The following EEA1 variants were observed in gnomAD, a reference collection of about 807,000 sequenced individuals.
The protein encoded by EEA1 is early endosome antigen 1.
A neutral mutation model predicts 209.2 loss-of-function variants in EEA1; 111 were observed. That is an observed-to-expected ratio of 0.53 (90% CI 0.45 to 0.62). The LOEUF is 0.62. EEA1 is among the 20% of genes least tolerant of loss of function. EEA1 has a pLI of 0.00. For synonymous variants in EEA1, 536 were observed against 540.6 expected (o/e 0.99, Z 0.12); for missense variants, 1,343 against 1,530.8 (o/e 0.88, Z 2.05).
intron 2 of EEA1, among the ~76,000 whole-genome samples, chr12:92,887,226 C>G (rs1304798071): frequency 6.6e-6 from 1 of 151,982 alleles, no homozygotes; most frequent in African/African-American, 2.4e-5. Context: ...TGGCTCATGG[C>G]TGTAATCCCA....
chr12:92,791,703 TAGAC>T (rs1372032091), intron 21 of EEA1, among the ~76,000 whole-genome samples: 1 of 152,118 alleles, frequency 6.6e-6, no homozygotes, highest in African/African-American at 2.4e-5. Flanking sequence ...CTGTCAATAT[TAGAC>T]AGATCAACGA....
intron 2 of EEA1, among the ~76,000 whole-genome samples, chr12:92,890,931 C>T (rs757594651): frequency 4.7e-4 from 71 of 152,170 alleles, no homozygotes; most frequent in Non-Finnish European, 5.9e-4. Flanking sequence ...GAAAAAAAGA[C>T]TGGGTAAGGA....
chr12:92,810,825 G>A (rs1875459407), intron 17 of EEA1, among the ~76,000 whole-genome samples: 1 of 151,964 alleles, frequency 6.6e-6, no homozygotes, highest in African/African-American at 2.4e-5. Flanking sequence ...GTTTATCATA[G>A]TCTCAATGTG....
chr12:92,841,008 C>T (rs908213867), intron 10 of EEA1, among the ~76,000 whole-genome samples: 5 of 152,140 alleles, frequency 3.3e-5, no homozygotes, highest in Admixed American at 6.5e-5. Context: ...GAGAAGGCAC[C>T]ATCTATGAAC....
At chr12:92,787,594 C>T (rs190667126) in intron 22 of EEA1, among the ~76,000 whole-genome samples, 1 of 152,128 alleles carries the variant, frequency 6.6e-6, no homozygotes, top group African/African-American at 2.4e-5. Context: ...TAAAGTTATT[C>T]ACACACAAAG....
intron 21 of EEA1, among the ~76,000 whole-genome samples, chr12:92,796,306 G>A (rs1215741087): frequency 2.0e-5 from 3 of 151,872 alleles, no homozygotes; most frequent in South Asian, 2.1e-4. Flanking sequence ...AGTAACTCCC[G>A]AATAGTCTTA....
chr12:92,840,129 C>G (rs1175388271), intron 10 of EEA1, among the ~76,000 whole-genome samples: 1 of 151,840 alleles, frequency 6.6e-6, no homozygotes, highest in Admixed American at 6.6e-5. Context: ...CTATTTTTTT[C>G]TTTCTTGACT....
chr12:92,901,814 C>T (rs1360494154), intron 1 of EEA1, among the ~76,000 whole-genome samples: 1 of 152,078 alleles, frequency 6.6e-6, no homozygotes, highest in African/African-American at 2.4e-5. Flanking sequence ...GATGATCCGC[C>T]CACCTCAGCC....
rs1873618342 is a variant in EEA1, at chr12:92,775,470, T to G, written c.*541A>C. On this transcript the variant is annotated 3_prime_UTR_variant, in exon 29 of 29. Coordinates refer to ENST00000322349, the MANE Select transcript of EEA1 (RefSeq NM_003566.4). Reference sequence around the variant, plus strand: ...TTAGAACACCCAAGTAGTAAATTCATAACATAACAATGCAACTGAACCATG... The same window carrying G: ...TTAGAACACCCAAGTAGTAAATTCAGAACATAACAATGCAACTGAACCATG... 6.6e-6 allele frequency: 1 copy of G among 151,948 alleles called. No individual in the cohort carries two copies. The highest frequency in any genetic ancestry group is 1.5e-5 in the Non-Finnish European group (1 of 67,710). The allele number at this position is 151,948 out of a possible 1,614,324, so 9.4% of individuals were successfully genotyped here.
intron 1 of EEA1, among the ~76,000 whole-genome samples, chr12:92,908,404 T>C (rs1264339768): frequency 6.6e-6 from 1 of 152,202 alleles, no homozygotes; most frequent in African/African-American, 2.4e-5. Context: ...ATACATTTCA[T>C]GCCACTGGAT....
At chr12:92,841,292 T>C (rs940161132) in intron 10 of EEA1, among the ~76,000 whole-genome samples, 2 of 152,050 alleles carry the variant, frequency 1.3e-5, no homozygotes, top group African/African-American at 4.8e-5. Flanking sequence ...ACCCTTACCT[T>C]ATACTATATA....
chr12:92,888,948 G>T (rs981032094), intron 2 of EEA1, among the ~76,000 whole-genome samples: 1 of 151,994 alleles, frequency 6.6e-6, no homozygotes, highest in African/African-American at 2.4e-5. Flanking sequence ...TCAGAAGTTC[G>T]AGACTAGCCT....
rs1873493966 is a variant in EEA1, at chr12:92,772,946, A to G, written c.*3065T>C. On this transcript the variant is annotated 3_prime_UTR_variant, in exon 29 of 29. Transcript: ENST00000322349. ...TATACAATTTTACATAAATTTAGTAAGTTTATGCACAATATTCACATCTGC... is the reference window on the plus strand; with the variant it reads ...TATACAATTTTACATAAATTTAGTAGGTTTATGCACAATATTCACATCTGC... 6.6e-6 allele frequency: 1 copy of G among 152,292 alleles called. No homozygotes were observed. Among genetic ancestry groups the G allele is most frequent in the Non-Finnish European group, 1.5e-5 (1 of 67,756 alleles). 9.4% of individuals were successfully genotyped at this position (152,292 alleles called of 1,614,324 possible).
At chr12:92,928,929 C>T in intron 1 of EEA1, 114 bp downstream of exon 1, 1 of 1,143,094 alleles carries the variant, frequency 8.7e-7, no homozygotes, top group Non-Finnish European at 1.2e-6. Flanking sequence ...GCCTGCCGGG[C>T]TGTGGGGCCT....
intron 11 of EEA1, among the ~76,000 whole-genome samples, chr12:92,830,754 C>G (rs112389361): frequency 1.5e-3 from 223 of 152,242 alleles, no homozygotes; most frequent in African/African-American, 5.2e-3. Context: ...CATGTCATAA[C>G]AAGGGACCTC....
At position 92,779,267 on chromosome 12, in the gene EEA1, G is replaced by C. The variant is rs1445354428; in HGVS notation, c.3502C>G (p.Leu1168Val). The change falls in exon 25 of 29, where the codon CTA (leucine) becomes GTA (valine). Residue 1168 changes from leucine to valine, a missense_variant. This residue lies in a region of EEA1 where 1,307 missense variants were observed against 1,465.5 expected (regional missense o/e 0.89). Coordinates refer to ENST00000322349, the MANE Select transcript of EEA1 (RefSeq NM_003566.4). The part of the protein sequence containing the change: ...ITNLKDAKQL[L>V]IQQKLELQGK... The stretch of plus-strand genomic sequence containing the variant: ...TGAAGTTCTAATTTCTGCTGAATTA[G>C]AAGCTGTTTAGCATCTTTAAGATTT... The C allele has an allele frequency of 6.2e-7, 1 of 1,606,978 alleles. No individual in the cohort carries two copies. Among genetic ancestry groups the C allele is most frequent in the African/African-American group, 1.3e-5 (1 of 74,344 alleles).
intron 9 of EEA1, among the ~76,000 whole-genome samples, chr12:92,843,427 A>G (rs1378258698): frequency 6.6e-6 from 1 of 152,130 alleles, no homozygotes; most frequent in Admixed American, 6.5e-5. Context: ...CTGGGATTAC[A>G]GCCATGAGCC....
intron 2 of EEA1, among the ~76,000 whole-genome samples, chr12:92,882,743 A>G (rs1879203433): frequency 6.6e-6 from 1 of 152,180 alleles, no homozygotes; most frequent in African/African-American, 2.4e-5. Flanking sequence ...CCTACAAAGA[A>G]TATGATTTTG....
chr12:92,813,783 G>A (rs759034299), intron 15 of EEA1, among the ~76,000 whole-genome samples: 3 of 152,152 alleles, frequency 2.0e-5, no homozygotes, highest in African/African-American at 4.8e-5. Context: ...GGGAGGCCAA[G>A]GCAGGCAGAT....
Sources: gnomAD v4.1 joint callset for allele counts (sites outside exome capture counted in the v4.1 genomes callset) on GRCh38, gnomAD v4.1.1 for gene constraint, gnomAD v4.1.1 regional missense constraint, MANE v1.5 for transcripts, NCBI Gene and HGNC (gene_info 2026-07-23, HGNC 2026-07-21) for gene names.